The following ANKRD13D variants were observed in gnomAD, a reference collection of about 807,000 sequenced individuals.
The protein encoded by ANKRD13D is ankyrin repeat domain-containing protein 13D.
Under a neutral mutation model 68.8 loss-of-function variants are expected in ANKRD13D, and 24 were observed. That is an observed-to-expected ratio of 0.35 (90% confidence interval 0.25 to 0.49). ANKRD13D has a LOEUF of 0.49. ANKRD13D is among the 20% of genes least tolerant of loss of function. ANKRD13D has a pLI of 0.99. For synonymous variants in ANKRD13D, 331 were observed against 336.1 expected, an observed-to-expected ratio of 0.98 and a Z score of 0.16; for missense variants, 735 against 832.1, an observed-to-expected ratio of 0.88 and a Z score of 1.44.
chr11:67,292,279 C>A, intron 6 of ANKRD13D, 99 bp downstream of exon 6: 1 of 1,354,044 alleles, frequency 7.4e-7, no homozygotes, highest in Non-Finnish European at 9.9e-7. Context: ...TGGTTCAGGC[C>A]TCTGGGCTCA....
rs776351772 is a variant in ANKRD13D at position 67,302,319 on chromosome 11, T to TCACTGAG, written c.1814_*2dup. The TCACTGAG allele has an allele frequency of 2.2e-5, 34 of 1,540,572 alleles. No individual in the cohort carries two copies. Among genetic ancestry groups the TCACTGAG allele is most frequent in the African/African-American group, 1.2e-4 (9 of 73,320 alleles). On this transcript the variant is annotated frameshift_variant, in exon 15 of 15. Coordinates refer to ENST00000511455, the MANE Select transcript of ANKRD13D (RefSeq NM_207354.3). LOFTEE classifies it high-confidence loss of function. ...TTACAGCGGATCCTGCAGCTGTCAC[T>TCACTGAG]CACTGAGCACTGAGCCATAGCCCCG...
Position 67,302,244 on chromosome 11 carries a change from C to T in ANKRD13D, c.1730C>T (p.Ser577Leu), listed in dbSNP as rs1830728084. ...EQLRLALELS[S>L]REQEERERRG... is the part of the protein sequence containing the mutation. ...CTGCGCCTGGCCCTGGAGTTGTCTT[C>T]ACGGGAGCAGGAGGAGCGGGAGCGG... The change falls in exon 15 of 15, where the codon TCA becomes TTA. Residue 577 changes from serine to leucine, a missense_variant. By Grantham distance (145) the Ser-to-Leu change is moderately radical. Transcript: ENST00000511455. 1 of 1,574,660 alleles carries T rather than the reference C, an allele frequency of 6.4e-7. No individual in the cohort carries two copies. The highest frequency in any genetic ancestry group is 8.6e-7 in the Non-Finnish European group (1 of 1,159,852).
chr11:67,298,306 C>T (rs146203431), intron 6 of ANKRD13D: 1 of 151,466 alleles, frequency 6.6e-6, no homozygotes, highest in Non-Finnish European at 1.5e-5. Flanking sequence ...TCATGATCCA[C>T]CCCCCTTGGC....
chr11:67,290,040 T>C (rs1251425718), intron 1 of ANKRD13D, 38 bp from the exon 2 acceptor site: 2 of 1,525,668 alleles, frequency 1.3e-6, no homozygotes, highest in African/African-American at 1.4e-5. Context: ...CCTTGCCCTC[T>C]TCTCTCCTGC....
intron 6 of ANKRD13D, among the ~76,000 whole-genome samples, chr11:67,294,535 TTTTG>T (rs1860691528): frequency 6.6e-6 from 1 of 151,914 alleles, no homozygotes; most frequent in Non-Finnish European, 1.5e-5. Context: ...TTTTGTTTTG[TTTTG>T]TTTTTTTGTT....
At chr11:67,297,446 C>G (rs1265406786) in intron 6 of ANKRD13D, among the ~76,000 whole-genome samples, 2 of 152,060 alleles carry the variant, frequency 1.3e-5, no homozygotes, top group African/African-American at 4.8e-5. Flanking sequence ...CTGCCTGTCT[C>G]AGCCTCCCAA....
chr11:67,298,837 G>C, intron 6 of ANKRD13D: 1 of 579,756 alleles, frequency 1.7e-6, no homozygotes, highest in Non-Finnish European at 3.1e-6. Context: ...TACCTCACAA[G>C]ATTCATGCTA....
rs757393042 is a variant in ANKRD13D, at chr11:67,299,988, C to T, written c.943-5C>T. 1.1e-5 allele frequency: 17 copies of T among 1,611,200 alleles called. No homozygotes were observed. The highest frequency in any genetic ancestry group is 4.5e-5 in the East Asian group (2 of 44,868). On this transcript the variant is annotated splice_region_variant and splice_polypyrimidine_tract_variant and intron_variant, in intron 9 of 14. Coordinates refer to ENST00000511455, the MANE Select transcript of ANKRD13D (RefSeq NM_207354.3). The surrounding 1 kb of genome is among the most constrained non-coding windows in gnomAD (Gnocchi z 6.2). ...ATGGCTGAGTCCGCCCTGGGACCCA[C>T]GCAGGCCCCCGTGCAGCAGGCAGCC...
chr11:67,302,343 C>T lies in ANKRD13D; in HGVS notation c.*11C>T, dbSNP rs369386211. ...CTCACTGAGCACTGAGCCATAGCCCCGGGAGGGCTGGCCAGGCCACTCCCT... is the reference window on the plus strand; with the variant it reads ...CTCACTGAGCACTGAGCCATAGCCCTGGGAGGGCTGGCCAGGCCACTCCCT... On this transcript the variant is annotated 3_prime_UTR_variant, in exon 15 of 15. Coordinates refer to ENST00000511455, the MANE Select transcript of ANKRD13D (RefSeq NM_207354.3). The T allele has an allele frequency of 2.5e-3, 3,660 of 1,493,592 alleles. 9 individuals carry two copies. The highest frequency in any genetic ancestry group is 3.3e-3 in the Middle Eastern group (18 of 5,454). The allele number at this position is 1,493,592 out of a possible 1,614,324, so 92.5% of individuals were successfully genotyped here. A position where few individuals can be genotyped will look rare whatever the true frequency, so the allele number is the denominator to read the frequency against.
At chr11:67,292,979 A>G (rs1016197027) in intron 6 of ANKRD13D, among the ~76,000 whole-genome samples, 1 of 152,184 alleles carries the variant, frequency 6.6e-6, no homozygotes, top group Non-Finnish European at 1.5e-5. Flanking sequence ...AAGTTGTAGC[A>G]CGTAACTATT....
In ANKRD13D at chr11:67,301,426, T is replaced by C. The variant is rs1375862535; in HGVS notation, c.1348+28T>C. The C allele has an allele frequency of 6.2e-7, 1 of 1,607,808 alleles. No individual in the cohort carries two copies. The highest frequency in any genetic ancestry group is 8.5e-7 in the Non-Finnish European group (1 of 1,176,604). On this transcript the variant is annotated intron_variant, in intron 12 of 14. Transcript: ENST00000511455. This position sits in a 1 kb window ranked among gnomAD's most constrained non-coding sequence, Gnocchi z 4.5. ...ACCCCAACGGGAGGAAGAGGGAGCC[T>C]GCACAGCTTTCTGGTCACCAAGCCC... is the stretch of plus-strand genomic sequence containing the variant.
At chr11:67,291,937 G>A in intron 5 of ANKRD13D, 54 bp from the exon 6 acceptor site, 2 of 1,535,070 alleles carry the variant, frequency 1.3e-6, no homozygotes, top group South Asian at 2.5e-5. Context: ...TCTCTGCACT[G>A]CTGGCGCCCA....
Position 67,301,036 on chromosome 11 carries a change from G to A in ANKRD13D, c.1120G>A (p.Gly374Ser), listed in dbSNP as rs1860961903. ...WLSEEHPLSL[G>S]DQVTPIIDLM... ...GAGTGAAGAGCACCCGCTCTCCCTG[G>A]GTGACCAGGTGACCCCCATCATCGA... The change falls in exon 11 of 15, where the codon GGT becomes AGT. Residue 374 changes from glycine (G) to serine (S), a missense_variant. Coordinates refer to ENST00000511455, the MANE Select transcript of ANKRD13D (RefSeq NM_207354.3). The surrounding 1 kb of genome is among the most constrained non-coding windows in gnomAD (Gnocchi z 4.5). 4.3e-6 allele frequency: 7 copies of A among 1,613,882 alleles called. No homozygotes were observed. Among genetic ancestry groups the A allele is most frequent in the Non-Finnish European group, 4.2e-6 (5 of 1,180,032 alleles).
chr11:67,301,654 G>A lies in ANKRD13D; in HGVS notation c.1512+3G>A, dbSNP rs1590876610. The A allele has an allele frequency of 5.0e-6, 8 of 1,611,864 alleles. No individual in the cohort carries two copies. The East Asian group carries it at 1.8e-4, about 36-fold the overall frequency. ...AAGCGGGCACTGAGGCGGAGCAGGTGGGACTTGCCCAGGGGGTGGGCTCTG... is the reference window on the plus strand; with the variant it reads ...AAGCGGGCACTGAGGCGGAGCAGGTAGGACTTGCCCAGGGGGTGGGCTCTG... On this transcript the variant is annotated splice_donor_region_variant and intron_variant, in intron 13 of 14. Transcript: ENST00000511455. The surrounding 1 kb of genome is among the most constrained non-coding windows in gnomAD (Gnocchi z 4.5).
rs1412872419 is a variant in ANKRD13D, at chr11:67,300,951, C to G, written c.1074-39C>G. Reference sequence around the variant, plus strand: ...GGGCAGTCCTCAATGGAAGGGCCACCAGCCGTGCCTCACCCATGTCCTGTG... The same window carrying G: ...GGGCAGTCCTCAATGGAAGGGCCACGAGCCGTGCCTCACCCATGTCCTGTG... On this transcript the variant is annotated intron_variant, in intron 10 of 14. Transcript: ENST00000511455. This position sits in a 1 kb window ranked among gnomAD's most constrained non-coding sequence, Gnocchi z 4.3. The G allele has an allele frequency of 6.2e-7, 1 of 1,608,754 alleles. No homozygotes were observed. The highest frequency in any genetic ancestry group is 1.1e-5 in the South Asian group (1 of 90,554).
chr11:67,302,337 T>A lies in ANKRD13D; in HGVS notation c.*5T>A. On this transcript the variant is annotated 3_prime_UTR_variant, in exon 15 of 15. Transcript: ENST00000511455. ...CTGTCACTCACTGAGCACTGAGCCATAGCCCCGGGAGGGCTGGCCAGGCCA... is the reference window on the plus strand; with the variant it reads ...CTGTCACTCACTGAGCACTGAGCCAAAGCCCCGGGAGGGCTGGCCAGGCCA... 2.0e-6 allele frequency: 3 copies of A among 1,505,832 alleles called. No homozygotes were observed. Among genetic ancestry groups the A allele is most frequent in the Non-Finnish European group, 2.7e-6 (3 of 1,117,722 alleles). The allele number at this position is 1,505,832 out of a possible 1,614,324, so 93.3% of individuals were successfully genotyped here. A position where few individuals can be genotyped will look rare whatever the true frequency, so the allele number is the denominator to read the frequency against.
Position 67,299,229 on chromosome 11 carries a change from G to A in ANKRD13D, c.798+105G>A. The A allele has an allele frequency of 7.0e-7, 1 of 1,433,146 alleles. No individual in the cohort carries two copies. The highest frequency in any genetic ancestry group is 1.7e-5 in the Admixed American group (1 of 57,522). The allele number at this position is 1,433,146 out of a possible 1,614,324, so 88.8% of individuals were successfully genotyped here. A position where few individuals can be genotyped will look rare whatever the true frequency, so the allele number is the denominator to read the frequency against. On this transcript the variant is annotated intron_variant, in intron 7 of 14. Transcript: ENST00000511455. The surrounding 1 kb of genome is among the most constrained non-coding windows in gnomAD (Gnocchi z 6.2). ...GTAGCCCCTGGGCTCTGGAAACCCTGAGCATTTGTGGGAACTCAGCGGGCC... is the reference window on the plus strand; with the variant it reads ...GTAGCCCCTGGGCTCTGGAAACCCTAAGCATTTGTGGGAACTCAGCGGGCC...
chr11:67,289,508 G>A lies in ANKRD13D; in HGVS notation c.48G>A (p.Ala16=). The change falls in exon 1 of 15, where the codon GCG becomes GCA. Residue 16 remains alanine (A), a synonymous_variant. Coordinates refer to ENST00000511455, the MANE Select transcript of ANKRD13D (RefSeq NM_207354.3). The part of the protein sequence containing the change: ...PTFPLHRLVW[A]NRHRELEAAL... ...TCCCGCTGCACCGGCTCGTCTGGGCGAACCGGCATCGCGAACTGGAGGCCG... is the reference window on the plus strand; with the variant it reads ...TCCCGCTGCACCGGCTCGTCTGGGCAAACCGGCATCGCGAACTGGAGGCCG... 5 of 1,521,218 alleles carry A rather than the reference G, an allele frequency of 3.3e-6. No individual in the cohort carries two copies. The highest frequency in any genetic ancestry group is 4.4e-6 in the Non-Finnish European group (5 of 1,141,572). 94.2% of individuals were successfully genotyped at this position (1,521,218 alleles called of 1,614,324 possible). A position where few individuals can be genotyped will look rare whatever the true frequency, so the allele number is the denominator to read the frequency against.
In ANKRD13D at chr11:67,300,028, C is replaced by T; in HGVS notation, c.978C>T (p.Pro326=). ...PVQQAASPTN[P]TAISPEEYFD... Reference sequence around the variant, plus strand: ...AGCAGGCAGCCAGCCCCACCAACCCCACAGCCATCTCCCCTGAGGAGTACT... The same window carrying T: ...AGCAGGCAGCCAGCCCCACCAACCCTACAGCCATCTCCCCTGAGGAGTACT... Residue 326 remains proline, a synonymous_variant, in exon 10 of 15, where the codon CCC becomes CCT. Coordinates refer to ENST00000511455, the MANE Select transcript of ANKRD13D (RefSeq NM_207354.3). The surrounding 1 kb of genome is among the most constrained non-coding windows in gnomAD (Gnocchi z 4.3). 6.2e-7 allele frequency: 1 copy of T among 1,613,872 alleles called. No homozygotes were observed. The highest frequency in any genetic ancestry group is 2.2e-5 in the East Asian group (1 of 44,882).
Sources: gnomAD v4.1 joint callset for allele counts (sites outside exome capture counted in the v4.1 genomes callset) on GRCh38, gnomAD v4.1.1 for gene constraint, Gnocchi (gnomAD v3.1) non-coding constraint, MANE v1.5 for transcripts, NCBI Gene and HGNC (gene_info 2026-07-23, HGNC 2026-07-21) for gene names.